The following SPAG16 variants were observed in gnomAD, a reference collection of about 807,000 sequenced individuals.
The protein encoded by SPAG16 is sperm-associated antigen 16 protein.
Under a neutral mutation model 80.4 loss-of-function variants are expected in SPAG16, and 86 were observed. The ratio of observed to expected loss-of-function variants is 1.07; its 90% CI spans 0.90 to 1.28. SPAG16 has a LOEUF of 1.28. Among genes scored for constraint, SPAG16 ranks in the 50% most tolerant of loss-of-function variants. The pLI, the probability that SPAG16 is intolerant of heterozygous loss-of-function variation, is 0.00. For missense variants in SPAG16, 870 were observed against 765.3 expected (o/e 1.14, Z -1.61); for synonymous variants, 294 against 265.9 (o/e 1.11, Z -1.03).
intron 9 of SPAG16, among the ~76,000 whole-genome samples, chr2:213,482,366 C>T (rs2125700853): frequency 6.6e-6 from 1 of 152,308 alleles, no homozygotes; most frequent in East Asian, 1.9e-4. Flanking sequence ...TTGTAAATAA[C>T]TCTAAAACTA....
chr2:213,738,789 T>A (rs1024753287), intron 10 of SPAG16, among the ~76,000 whole-genome samples: 7 of 152,188 alleles, frequency 4.6e-5, no homozygotes, highest in African/African-American at 1.7e-4. Context: ...GGATTGCACT[T>A]TTTAGGGGCT....
At chr2:214,193,434 AGAG>A (rs2057730553) in intron 15 of SPAG16, among the ~76,000 whole-genome samples, 3 of 125,676 alleles carry the variant, frequency 2.4e-5, no homozygotes, top group Non-Finnish European at 5.7e-5. Flanking sequence ...TATGAGAGAG[AGAG>A]AGAGAGAGAG....
chr2:213,685,088 C>T (rs1227470351), intron 10 of SPAG16, among the ~76,000 whole-genome samples: 2 of 152,148 alleles, frequency 1.3e-5, no homozygotes, highest in African/African-American at 4.8e-5. Flanking sequence ...TCTGCCCAGA[C>T]AGAAGGGCTG....
At chr2:213,507,067 C>G (rs185757710) in intron 10 of SPAG16, among the ~76,000 whole-genome samples, 1 of 152,112 alleles carries the variant, frequency 6.6e-6, no homozygotes, top group Non-Finnish European at 1.5e-5. Context: ...AAGTGCTACC[C>G]CAGAGTTGAA....
At chr2:213,401,993 G>C (rs982824337) in intron 9 of SPAG16, among the ~76,000 whole-genome samples, 1 of 151,752 alleles carries the variant, frequency 6.6e-6, no homozygotes, top group African/African-American at 2.4e-5. Flanking sequence ...ATATATTTTT[G>C]TCTGGTCATA....
At chr2:214,345,102 AGTCTT>A (rs1697971653) in intron 15 of SPAG16, among the ~76,000 whole-genome samples, 1 of 152,182 alleles carries the variant, frequency 6.6e-6, no homozygotes, top group Non-Finnish European at 1.5e-5. Context: ...ATAGGTCAGT[AGTCTT>A]ATTTGACTAC....
intron 1 of SPAG16, among the ~76,000 whole-genome samples, chr2:213,294,217 C>A (rs1423730470): frequency 6.6e-6 from 1 of 152,098 alleles, no homozygotes; most frequent in African/African-American, 2.4e-5. Flanking sequence ...CTTAGCATGA[C>A]CTTCAGGTTC....
chr2:214,266,615 T>G (rs1559166707), intron 15 of SPAG16, among the ~76,000 whole-genome samples: 1 of 151,526 alleles, frequency 6.6e-6, no homozygotes, highest in African/African-American at 2.4e-5. Context: ...AAGAAAGAAA[T>G]AAAAGGTATC....
intron 10 of SPAG16, among the ~76,000 whole-genome samples, chr2:213,554,538 G>A (rs72940946): frequency 0.014 from 2,094 of 152,198 alleles, 23 homozygotes; most frequent in Middle Eastern, 0.024. Flanking sequence ...ATGGAGATAC[G>A]AGAACAGCAT....
chr2:214,233,349 T>G (rs1455854595), intron 15 of SPAG16, among the ~76,000 whole-genome samples: 4 of 140,018 alleles, frequency 2.9e-5, no homozygotes, highest in African/African-American at 1.3e-4. Flanking sequence ...ATAATAATGA[T>G]GATGATGATG....
chr2:213,555,858 T>C, intron 10 of SPAG16, among the ~76,000 whole-genome samples: 1 of 152,174 alleles, frequency 6.6e-6, no homozygotes, highest in East Asian at 1.9e-4. Context: ...GTATAACGGT[T>C]GAAAGACAAA....
chr2:214,167,684 A>G (rs1264189174), intron 15 of SPAG16, among the ~76,000 whole-genome samples: 1 of 152,102 alleles, frequency 6.6e-6, no homozygotes, highest in Non-Finnish European at 1.5e-5. Flanking sequence ...TGAAAAGAAT[A>G]TGAAACACAT....
chr2:213,781,810 T>C (rs1331940761), intron 10 of SPAG16, among the ~76,000 whole-genome samples: 1 of 152,194 alleles, frequency 6.6e-6, no homozygotes, highest in Non-Finnish European at 1.5e-5. Flanking sequence ...CCTTCTGTGA[T>C]TGTCTTTTGG....
At chr2:213,655,950 C>A (rs1485793252) in intron 10 of SPAG16, among the ~76,000 whole-genome samples, 1 of 152,138 alleles carries the variant, frequency 6.6e-6, no homozygotes, top group African/African-American at 2.4e-5. Context: ...ATTTCCTAGT[C>A]ATTTCCATGA....
chr2:213,372,832 A>G (rs189800439), intron 8 of SPAG16, among the ~76,000 whole-genome samples: 1 of 152,270 alleles, frequency 6.6e-6, no homozygotes, highest in Non-Finnish European at 1.5e-5. Context: ...GGCACAAAGT[A>G]AGTGCTCAAT....
rs368136893 is a variant in SPAG16 at position 213,488,865 on chromosome 2, T to C, written c.943-1098T>C. Among the ~76,000 whole-genome samples the C allele has an allele frequency of 7.4e-5, 11 of 148,228 alleles. No homozygotes were observed. In the East Asian group the frequency reaches 1.6e-3, roughly 21 times the overall value. On this transcript the variant is annotated intron_variant, in intron 9 of 15. Transcript: ENST00000331683. ...GCCAAGGCGGGAGGATCACCTGAGG[T>C]AGGGAGTTTGAGACCAGCCTGGCCA... is the stretch of plus-strand genomic sequence containing the variant.
intron 14 of SPAG16, among the ~76,000 whole-genome samples, chr2:214,139,329 C>T (rs1403890809): frequency 6.6e-6 from 1 of 151,762 alleles, no homozygotes; most frequent in Non-Finnish European, 1.5e-5. Flanking sequence ...TCCCCTTTTC[C>T]CTGTTGTTGC....
Position 213,549,084 on chromosome 2 carries a change from T to C in SPAG16, c.1070+58994T>C, listed in dbSNP as rs1016366894. Among the ~76,000 whole-genome samples the C allele has an allele frequency of 8.5e-5, 13 of 152,056 alleles. No individual in the cohort carries two copies. The East Asian group carries it at 2.5e-3, about 29-fold the overall frequency. Reference sequence around the variant, plus strand: ...GCCATATACTTGAATGCTTTTTCTTTCTACCTGTGGTCTATGGAACTCAAA... The same window carrying C: ...GCCATATACTTGAATGCTTTTTCTTCCTACCTGTGGTCTATGGAACTCAAA... On this transcript the variant is annotated intron_variant, in intron 10 of 15. Coordinates refer to ENST00000331683, the MANE Select transcript of SPAG16 (RefSeq NM_024532.5).
rs200580408 is a variant in SPAG16, at chr2:214,077,308, C to A, written c.1528-30888C>A. ...CCCTCACTCTTGTTTCTGTTTCAAC[C>A]TGAATATCTTCTTTATTCTTCTACA... On this transcript the variant is annotated intron_variant, in intron 13 of 15. Transcript: ENST00000331683. Among the ~76,000 whole-genome samples the A allele has an allele frequency of 1.8e-4, 27 of 152,270 alleles. No homozygotes were observed. The East Asian group carries it at 5.0e-3, about 28-fold the overall frequency.
Sources: allele counts gnomAD v4.1 joint callset (sites outside exome capture counted in the v4.1 genomes callset), GRCh38; gene constraint gnomAD v4.1.1; transcripts MANE v1.5; gene names NCBI Gene and HGNC (gene_info 2026-07-23, HGNC 2026-07-21).